PRR12: variants seen among roughly 807,000 people sequenced by gnomAD.
PRR12 encodes proline rich 12, also known as proline-rich protein 12.
In PRR12, 12 loss-of-function variants were observed where a neutral mutation model predicts 138.0. The ratio of observed to expected loss-of-function variants is 0.09; its 90% confidence interval spans 0.06 to 0.14. The LOEUF (loss-of-function observed/expected upper bound fraction) is 0.14, where lower values mean the gene tolerates loss of function less well. PRR12 is among the 10% of genes least tolerant of loss of function. The pLI, the probability that PRR12 is intolerant of heterozygous loss-of-function variation, is 1.00. For synonymous variants in PRR12, 1,567 were observed against 1,291.7 expected, an observed-to-expected ratio of 1.21 and a Z score of -4.57; for missense variants, 2,692 against 2,861.3, an observed-to-expected ratio of 0.94 and a Z score of 1.35.
chr19:49,600,484 A>C (rs2080804086), intron 5 of PRR12, among the ~76,000 whole-genome samples: 2 of 151,426 alleles, frequency 1.3e-5, no homozygotes, highest in African/African-American at 4.9e-5. Context: ...AGTGTTCAAA[A>C]AAAAAAAAAA....
intron 11 of PRR12, among the ~76,000 whole-genome samples, chr19:49,622,191 T>C (rs2080926752): frequency 6.6e-6 from 1 of 152,184 alleles, no homozygotes; most frequent in African/African-American, 2.4e-5. Context: ...GCAGTGATTC[T>C]GAGAATTCTG....
intron 6 of PRR12, among the ~76,000 whole-genome samples, chr19:49,603,371 T>C (rs2080822068): frequency 6.6e-6 from 1 of 152,228 alleles, no homozygotes. Context: ...TACAGGATTA[T>C]TGTTTGGCCC....
Position 49,599,103 on chromosome 19 carries a change from A to G in PRR12, c.3679-169A>G, listed in dbSNP as rs1255521738. Among the ~76,000 whole-genome samples the G allele has an allele frequency of 6.6e-6, 1 of 152,124 alleles. No individual in the cohort carries two copies. Among genetic ancestry groups the G allele is most frequent in the Admixed American group, 6.6e-5 (1 of 15,264 alleles). ...GTCCAAGTTCCTGGTCTTCTGAGGG[A>G]GGAACTCCAGTCTTGTCCTCCTAGA... is the stretch of plus-strand genomic sequence containing the variant. On this transcript the variant is annotated intron_variant, in intron 4 of 13. Transcript: ENST00000418929. This position sits in a 1 kb window ranked among gnomAD's most constrained non-coding sequence, Gnocchi z 5.0.
Position 49,599,779 on chromosome 19 carries a change from G to A in PRR12, c.4186G>A (p.Glu1396Lys). ...DSVAKNRDLQ[E>K]SISSAISALD... ...TGTCGCCAAGAACCGAGACCTGCAG[G>A]AGAGCATCTCCTCCGCCATCTCTGC... The change falls in exon 5 of 14, where the codon GAG (glutamate) becomes AAG (lysine). Residue 1396 changes from glutamate to lysine, a missense_variant. Glu to Lys is a moderately conservative substitution (Grantham distance 56). Around this residue, in one of 11 missense-constraint regions of PRR12, gnomAD observed 22 missense variants for 59.2 expected, o/e 0.37. Coordinates refer to ENST00000418929, the MANE Select transcript of PRR12 (RefSeq NM_020719.3). The surrounding 1 kb of genome is among the most constrained non-coding windows in gnomAD (Gnocchi z 5.0). The A allele has an allele frequency of 6.2e-7, 1 of 1,613,652 alleles. No individual in the cohort carries two copies. The highest frequency in any genetic ancestry group is 1.1e-5 in the South Asian group (1 of 91,086).
rs765830134 is a variant in PRR12 at position 49,594,660 on chromosome 19, G to A, written c.362-37G>A. ...TGCAGGGCCAGGGTGGGACTGGCTC[G>A]CTGTTCTCTCTGACGCGCGGTCTTC... On this transcript the variant is annotated intron_variant, in intron 3 of 13. Coordinates refer to ENST00000418929, the MANE Select transcript of PRR12 (RefSeq NM_020719.3). This position sits in a 1 kb window ranked among gnomAD's most constrained non-coding sequence, Gnocchi z 5.6. 2.6e-5 allele frequency: 42 copies of A among 1,609,914 alleles called. No individual in the cohort carries two copies. The highest frequency in any genetic ancestry group is 3.3e-5 in the Non-Finnish European group (39 of 1,179,414).
In PRR12 at chr19:49,619,659, A is replaced by C. The variant is rs530926610; in HGVS notation, c.5498-693A>C. 2.1e-5 allele frequency among the ~76,000 whole-genome samples: 3 copies of C among 141,916 alleles called. No homozygotes were observed. In the South Asian group the frequency reaches 6.6e-4, roughly 31 times the overall value. The allele number at this position is 141,916 out of a possible 152,430, so 93.1% of individuals were successfully genotyped here. A position where few individuals can be genotyped will look rare whatever the true frequency, so the allele number is the denominator to read the frequency against. On this transcript the variant is annotated intron_variant, in intron 9 of 13. Coordinates refer to ENST00000418929, the MANE Select transcript of PRR12 (RefSeq NM_020719.3). ...CAGGTTCAAGGGATTCTCCTGCCTC[A>C]GCCTCCCGAGTGGCTGGGATTACAG...
intron 10 of PRR12, 93 bp downstream of exon 10, chr19:49,620,570 T>C: frequency 6.7e-7 from 1 of 1,503,336 alleles, no homozygotes; most frequent in Non-Finnish European, 9.0e-7. Context: ...GAGGAGAGGT[T>C]TGGGGTCGGG....
At chr19:49,618,030 A>G (rs1185961575) in intron 9 of PRR12, among the ~76,000 whole-genome samples, 1 of 152,150 alleles carries the variant, frequency 6.6e-6, no homozygotes. Context: ...CCTGGGAGGC[A>G]GAGGTTGCAG....
rs777306501 is a variant in PRR12 at position 49,625,009 on chromosome 19, G to T, written c.5868+19G>T. 1.1e-5 allele frequency: 18 copies of T among 1,607,074 alleles called. No homozygotes were observed. Among genetic ancestry groups the T allele is most frequent in the Non-Finnish European group, 1.5e-5 (18 of 1,175,692 alleles). On this transcript the variant is annotated intron_variant, in intron 12 of 13. Coordinates refer to ENST00000418929, the MANE Select transcript of PRR12 (RefSeq NM_020719.3). The surrounding 1 kb of genome is among the most constrained non-coding windows in gnomAD (Gnocchi z 5.5). Reference sequence around the variant, plus strand: ...AGCCCAGGTGGGCACTGGGGCTGGGGCTGGGAGTGGGGAGTGCTGGCGGTA... The same window carrying T: ...AGCCCAGGTGGGCACTGGGGCTGGGTCTGGGAGTGGGGAGTGCTGGCGGTA...
chr19:49,623,969 T>A (rs548071336), intron 11 of PRR12, among the ~76,000 whole-genome samples: 1 of 147,860 alleles, frequency 6.8e-6, no homozygotes, highest in Non-Finnish European at 1.5e-5. Flanking sequence ...GGTGGGTGGT[T>A]AGGATGGGGC....
At position 49,601,966 on chromosome 19, in the gene PRR12, C is replaced by T. The variant is rs757369475; in HGVS notation, c.4773+48C>T. 3 of 1,582,940 alleles carry T rather than the reference C, an allele frequency of 1.9e-6. No homozygotes were observed. In the East Asian group the frequency reaches 6.9e-5, roughly 36 times the overall value. On this transcript the variant is annotated intron_variant, in intron 6 of 13. Transcript: ENST00000418929. The stretch of plus-strand genomic sequence containing the variant: ...AACTGGGCCTGATGGGTTTGGTCAC[C>T]TGTTTGTTGAGTGCCCGCTGGATGA...
At position 49,595,098 on chromosome 19, in the gene PRR12, G is replaced by A. The variant is rs755442225; in HGVS notation, c.763G>A (p.Ala255Thr). 15 of 1,610,196 alleles carry A rather than the reference G, an allele frequency of 9.3e-6. No individual in the cohort carries two copies. Among genetic ancestry groups the A allele is most frequent in the East Asian group, 2.2e-5 (1 of 44,796 alleles). ...FNLLASSSAA[A>T]AAAEQSSPQL... ...CCTGCTGGCTTCCTCTTCCGCTGCC[G>A]CCGCCGCTGCCGAGCAGTCCTCCCC... is the stretch of plus-strand genomic sequence containing the variant. Residue 255 changes from alanine (A) to threonine (T), a missense_variant, in exon 4 of 14, where the codon GCC becomes ACC. Transcript: ENST00000418929.
chr19:49,618,491 G>A (rs8103438), intron 9 of PRR12, among the ~76,000 whole-genome samples: 3,767 of 152,034 alleles, frequency 0.025, 122 homozygotes, highest in African/African-American at 0.08. Flanking sequence ...GGGTTCAAGT[G>A]ATCCTCCTTC....
rs1237508839 is a variant in PRR12 at position 49,597,798 on chromosome 19, C to T, written c.3463C>T (p.Arg1155Cys). The change falls in exon 4 of 14, where the codon CGT becomes TGT. Residue 1155 changes from arginine (R) to cysteine (C), a missense_variant. By Grantham distance (180) the Arg-to-Cys change is radical (BLOSUM62 -3). Transcript: ENST00000418929. This position sits in a 1 kb window ranked among gnomAD's most constrained non-coding sequence, Gnocchi z 6.3. ...CCCAGGACCCGATGGCCCCCGGCGC[C>T]GTGGCCGCAAGCCCACGAAGGCGAA... is the stretch of plus-strand genomic sequence containing the variant. ...PNPGPDGPRRRGRKPTKAKRD... is the reference protein window; with the variant it reads ...PNPGPDGPRRCGRKPTKAKRD... 2.5e-6 allele frequency: 4 copies of T among 1,570,536 alleles called. No individual in the cohort carries two copies. Among genetic ancestry groups the T allele is most frequent in the Non-Finnish European group, 2.6e-6 (3 of 1,158,990 alleles).
chr19:49,606,903 A>AC (rs2080841392), intron 6 of PRR12, among the ~76,000 whole-genome samples: 1 of 152,036 alleles, frequency 6.6e-6, no homozygotes, highest in Non-Finnish European at 1.5e-5. Flanking sequence ...CAAGCCATAG[A>AC]CCATTGTTTA....
intron 11 of PRR12, 159 bp downstream of exon 11, chr19:49,621,781 C>T (rs1160812116): frequency 1.6e-6 from 1 of 632,014 alleles, no homozygotes; most frequent in African/African-American, 1.8e-5. Flanking sequence ...CAGGAGATCT[C>T]TGGGTTCTCA....
chr19:49,624,902 A>G lies in PRR12; in HGVS notation c.5780A>G (p.Glu1927Gly). 6.2e-7 allele frequency: 1 copy of G among 1,609,506 alleles called. No individual in the cohort carries two copies. Among genetic ancestry groups the G allele is most frequent in the Non-Finnish European group, 8.5e-7 (1 of 1,177,856 alleles). The change falls in exon 12 of 14, where the codon GAA becomes GGA. Residue 1927 changes from glutamate (E) to glycine (G), a missense_variant. By Grantham distance (98) the Glu-to-Gly change is moderately conservative. Coordinates refer to ENST00000418929, the MANE Select transcript of PRR12 (RefSeq NM_020719.3). The stretch of plus-strand genomic sequence containing the variant: ...GAGCAGAGTGGGGAGGGCTCTCCGG[A>G]AGAGGGGGCTGTGCGGCTGCGGCCT... ...QVEQSGEGSP[E>G]EGAVRLRPAG...
rs1334910615 is a variant in PRR12 at position 49,599,169 on chromosome 19, C to T, written c.3679-103C>T. 1 of 1,129,342 alleles carries T rather than the reference C, an allele frequency of 8.9e-7. No homozygotes were observed. Among genetic ancestry groups the T allele is most frequent in the Non-Finnish European group, 1.2e-6 (1 of 821,824 alleles). The allele number at this position is 1,129,342 out of a possible 1,614,324, so 70.0% of individuals were successfully genotyped here. ...TCTGCAGGTTTGAATTCTATAAATT[C>T]ACAGGCTGAGCACCTGTAAATTTGG... On this transcript the variant is annotated intron_variant, in intron 4 of 13. Transcript: ENST00000418929. This position sits in a 1 kb window ranked among gnomAD's most constrained non-coding sequence, Gnocchi z 5.0.
At position 49,591,818 on chromosome 19, in the gene PRR12, C is replaced by G. The variant is rs1187598062; in HGVS notation, c.86+78C>G. The stretch of plus-strand genomic sequence containing the variant: ...CGGGCCGGGCCGGGCCGGGCCGGGC[C>G]CGCCCGGCGACGCGTGCATCGCAAA... On this transcript the variant is annotated intron_variant, in intron 1 of 13. Coordinates refer to ENST00000418929, the MANE Select transcript of PRR12 (RefSeq NM_020719.3). 106 of 884,292 alleles carry G rather than the reference C, an allele frequency of 1.2e-4. No homozygotes were observed. The East Asian group carries it at 3.5e-3, about 29-fold the overall frequency. 54.8% of individuals were successfully genotyped at this position (884,292 alleles called of 1,614,324 possible). A position where few individuals can be genotyped will look rare whatever the true frequency, so the allele number is the denominator to read the frequency against.
Sources: allele counts gnomAD v4.1 joint callset (sites outside exome capture counted in the v4.1 genomes callset), GRCh38; gene constraint gnomAD v4.1.1; regional missense constraint gnomAD v4.1.1; non-coding constraint Gnocchi (gnomAD v3.1); transcripts MANE v1.5; gene names NCBI Gene and HGNC (gene_info 2026-07-23, HGNC 2026-07-21).